Variants in TCTN1 observed in about 807,000 individuals in gnomAD.
The protein encoded by TCTN1 is tectonic-1.
Under a neutral mutation model 65.8 loss-of-function variants are expected in TCTN1, and 58 were observed. The ratio of observed to expected loss-of-function variants is 0.88; its 90% confidence interval spans 0.71 to 1.10. The LOEUF (loss-of-function observed/expected upper bound fraction) is 1.10, where lower values mean the gene tolerates loss of function less well. Among genes scored for constraint, TCTN1 ranks in the 50% least tolerant of loss-of-function variants. The pLI is 0.00. For synonymous variants in TCTN1, 273 were observed against 289.1 expected (o/e 0.94, Z 0.57); for missense variants, 645 against 719.4 (o/e 0.90, Z 1.18).
At chr12:110,643,767 G>A (rs1254540906) in intron 11 of TCTN1, 1 of 152,174 alleles carries the variant, frequency 6.6e-6, no homozygotes, top group East Asian at 1.9e-4. Context: ...TTGGCCTACA[G>A]GCTCAAGCAA....
chr12:110,637,836 T>C (rs2066682576), intron 7 of TCTN1, among the ~76,000 whole-genome samples: 1 of 152,210 alleles, frequency 6.6e-6, no homozygotes, highest in Admixed American at 6.5e-5. Flanking sequence ...TGATATATCC[T>C]TATTTCTAAC....
chr12:110,641,702 T>G, intron 10 of TCTN1, 75 bp downstream of exon 10: 1 of 1,449,420 alleles, frequency 6.9e-7, no homozygotes, highest in Non-Finnish European at 9.7e-7. Context: ...TCTTTATCGC[T>G]GAGGCTCCCC....
chr12:110,641,748 C>G (rs1415718613), intron 10 of TCTN1, 121 bp downstream of exon 10: 2 of 1,040,910 alleles, frequency 1.9e-6, no homozygotes, highest in African/African-American at 3.2e-5. Context: ...CAGTCCAGGC[C>G]GAGCTTCCTG....
Position 110,636,900 on chromosome 12 carries a change from C to T in TCTN1, c.843+399C>T, listed in dbSNP as rs1357103741. On this transcript the variant is annotated intron_variant, in intron 7 of 14. Coordinates refer to ENST00000397659, the MANE Select transcript of TCTN1 (RefSeq NM_001082538.3). ...CACTTTGGCCAGTGGGTGTCCATAC[C>T]GCGTGGGAGGCGTGCCCCGTGGTAT... Among the ~76,000 whole-genome samples the T allele has an allele frequency of 3.3e-5, 5 of 152,354 alleles. No homozygotes were observed. The East Asian group carries it at 5.8e-4, about 18-fold the overall frequency.
chr12:110,615,330 A>G (rs2064964414), intron 1 of TCTN1, among the ~76,000 whole-genome samples: 1 of 152,192 alleles, frequency 6.6e-6, no homozygotes, highest in Non-Finnish European at 1.5e-5. Flanking sequence ...GATTGAGTGC[A>G]AAACTTTGTG....
Position 110,634,689 on chromosome 12 carries a change from T to G in TCTN1, c.732T>G (p.Ala244=). ...TTCTAGCGTTTCTGGTGAACCAGGC[T>G]GTTAAGTGCACCAGAAAAATAAATT... The part of the protein sequence containing the change: ...NNPAAFLVNQ[A]VKCTRKINLE... Residue 244 remains alanine, a synonymous_variant, in exon 6 of 15, where the codon GCT becomes GCG. Coordinates refer to ENST00000397659, the MANE Select transcript of TCTN1 (RefSeq NM_001082538.3). 4 of 1,610,380 alleles carry G rather than the reference T, an allele frequency of 2.5e-6. No individual in the cohort carries two copies. The highest frequency in any genetic ancestry group is 1.7e-6 in the Non-Finnish European group (2 of 1,178,048).
chr12:110,640,281 C>A lies in TCTN1; in HGVS notation c.844-102C>A. 1 of 1,403,374 alleles carries A rather than the reference C, an allele frequency of 7.1e-7. No homozygotes were observed. Among genetic ancestry groups the A allele is most frequent in the Non-Finnish European group, 1.0e-6 (1 of 995,566 alleles). 86.9% of individuals were successfully genotyped at this position (1,403,374 alleles called of 1,614,324 possible). A position where few individuals can be genotyped will look rare whatever the true frequency, so the allele number is the denominator to read the frequency against. ...CTGTTGTGTAGCATGCTTCCCCCTA[C>A]TTGGCCATATATCAGGGGAGGTTTC... On this transcript the variant is annotated intron_variant, in intron 7 of 14. Transcript: ENST00000397659. The surrounding 1 kb of genome is among the most constrained non-coding windows in gnomAD (Gnocchi z 4.9).
rs533396456 is a variant in TCTN1 at position 110,640,711 on chromosome 12, C to T, written c.978+194C>T. Among the ~76,000 whole-genome samples the T allele has an allele frequency of 2.0e-5, 3 of 152,288 alleles. No homozygotes were observed. The highest frequency in any genetic ancestry group is 6.5e-5 in the Admixed American group (1 of 15,300). ...TGTCTCCACAAACTTAGTGACTTGC[C>T]GGAATACATCAAAATATTTTTGTTG... is the stretch of plus-strand genomic sequence containing the variant. On this transcript the variant is annotated intron_variant, in intron 8 of 14. Transcript: ENST00000397659. This position sits in a 1 kb window ranked among gnomAD's most constrained non-coding sequence, Gnocchi z 4.9.
chr12:110,626,360 A>G lies in TCTN1; in HGVS notation c.342-2A>G, dbSNP rs730882221. 6.4e-7 allele frequency: 1 copy of G among 1,571,732 alleles called. No homozygotes were observed. The highest frequency in any genetic ancestry group is 8.6e-7 in the Non-Finnish European group (1 of 1,156,344). ...TTGTATTATTATTTTTTTAATTTTC[A>G]GGGGCGACAGCCAGTTTTGTAGTCA... On this transcript the variant is annotated splice_acceptor_variant, in intron 2 of 14. Coordinates refer to ENST00000397659, the MANE Select transcript of TCTN1 (RefSeq NM_001082538.3). LOFTEE classifies it high-confidence loss of function.
rs993734021 is a variant in TCTN1, at chr12:110,639,491, T to C, written c.844-892T>C. On this transcript the variant is annotated intron_variant, in intron 7 of 14. Coordinates refer to ENST00000397659, the MANE Select transcript of TCTN1 (RefSeq NM_001082538.3). The surrounding 1 kb of genome is among the most constrained non-coding windows in gnomAD (Gnocchi z 4.9). ...GTGTGTGAGCGTGCTTGCGCTTGTATAGAAGTTGTGTATAAATTGGGTCAA... is the reference window on the plus strand; with the variant it reads ...GTGTGTGAGCGTGCTTGCGCTTGTACAGAAGTTGTGTATAAATTGGGTCAA... Among the ~76,000 whole-genome samples the C allele has an allele frequency of 1.3e-5, 2 of 152,026 alleles. No individual in the cohort carries two copies. Among genetic ancestry groups the C allele is most frequent in the Admixed American group, 1.3e-4 (2 of 15,268 alleles).
chr12:110,616,723 G>A (rs2065063260), intron 1 of TCTN1: 1 of 152,256 alleles, frequency 6.6e-6, no homozygotes, highest in Non-Finnish European at 1.5e-5. Context: ...TTTTTCAGGT[G>A]GATAAATTAT....
chr12:110,614,150 C>T lies in TCTN1; in HGVS notation c.-33C>T, dbSNP rs553820358. ...CGCGGTTGCCGGGCAACGCGCTGTC[C>T]ATGTCGCGGGCCTCGCTGGGACTCC... On this transcript the variant is annotated 5_prime_UTR_variant, in exon 1 of 15. Coordinates refer to ENST00000397659, the MANE Select transcript of TCTN1 (RefSeq NM_001082538.3). 1.4e-5 allele frequency: 22 copies of T among 1,545,994 alleles called. No individual in the cohort carries two copies. In the African/African-American group the frequency reaches 2.7e-4, roughly 19 times the overall value.
chr12:110,617,306 T>G (rs1296722794), intron 1 of TCTN1, among the ~76,000 whole-genome samples: 2 of 151,626 alleles, frequency 1.3e-5, no homozygotes, highest in Non-Finnish European at 2.9e-5. Flanking sequence ...ACCTCACACA[T>G]TTTTTTTGCA....
chr12:110,645,368 A>G (rs1477714728), intron 12 of TCTN1: 3 of 535,640 alleles, frequency 5.6e-6, no homozygotes, highest in Non-Finnish European at 1.0e-5. Flanking sequence ...TAGTGAGTGA[A>G]TGGCCTCATG....
rs1195048348 is a variant in TCTN1, at chr12:110,642,267, C to T, written c.1209C>T (p.Thr403=). The change falls in exon 11 of 15, where the codon ACC becomes ACT. Residue 403 remains threonine (T), a synonymous_variant. Coordinates refer to ENST00000397659, the MANE Select transcript of TCTN1 (RefSeq NM_001082538.3). ...QPHKGSGIIQ[T]TNRYGQLTIL... ...TGTGAATGTCTGGGATTATTCAGAC[C>T]ACAAATAGATATGGACAGCTTACTA... 1 of 1,614,016 alleles carries T rather than the reference C, an allele frequency of 6.2e-7. No homozygotes were observed. Among genetic ancestry groups the T allele is most frequent in the African/African-American group, 1.3e-5 (1 of 74,892 alleles).
intron 14 of TCTN1, 92 bp from the exon 15 acceptor site, chr12:110,648,951 A>C: frequency 2.3e-6 from 1 of 428,744 alleles, no homozygotes. Context: ...CTTTTGGGGA[A>C]ACTGAGACGA....
Position 110,648,158 on chromosome 12 carries a change from A to C in TCTN1, c.*1+265A>C, listed in dbSNP as rs149809151. Among the ~76,000 whole-genome samples, 1,041 of 152,124 alleles carry C rather than the reference A, an allele frequency of 6.8e-3. 1 individual carries two copies. The highest frequency in any genetic ancestry group is 9.4e-3 in the Non-Finnish European group (637 of 67,990). On this transcript the variant is annotated intron_variant, in intron 14 of 14. Transcript: ENST00000397659. ...GCTAATTTTAATATAGTTTGTAGAG[A>C]TGGGGTCTTGCTGTGTTGACCAGGC...
intron 1 of TCTN1, among the ~76,000 whole-genome samples, chr12:110,617,843 G>A (rs1285064361): frequency 6.6e-6 from 1 of 151,770 alleles, no homozygotes; most frequent in Non-Finnish European, 1.5e-5. Flanking sequence ...GTTTTACCAT[G>A]TCGGCCAGGC....
rs775487901 is a variant in TCTN1 at position 110,628,892 on chromosome 12, G to T, written c.598G>T (p.Asp200Tyr). ...ESYVSFTTKL[D>Y]IPTAAKYEYG... is the part of the protein sequence containing the mutation. ...ATATGTTTCCTTCACAACCAAACTG[G>T]ATATTCCTACTGCTGCTAAATATGA... Residue 200 changes from aspartate to tyrosine, a missense_variant, in exon 4 of 15, where the codon GAT becomes TAT. Transcript: ENST00000397659. 6.2e-7 allele frequency: 1 copy of T among 1,613,610 alleles called. No homozygotes were observed. Among genetic ancestry groups the T allele is most frequent in the Admixed American group, 1.7e-5 (1 of 60,002 alleles).
Sources: gnomAD v4.1 joint callset for allele counts (sites outside exome capture counted in the v4.1 genomes callset) on GRCh38, gnomAD v4.1.1 for gene constraint, Gnocchi (gnomAD v3.1) non-coding constraint, MANE v1.5 for transcripts, NCBI Gene and HGNC (gene_info 2026-07-23, HGNC 2026-07-21) for gene names.